ST3GAL4: variants seen among roughly 807,000 people sequenced by gnomAD.
The protein encoded by ST3GAL4 is ST3 beta-galactoside alpha-2,3-sialyltransferase 4.
In ST3GAL4, 24 loss-of-function variants were observed where a neutral mutation model predicts 42.6. That is an observed-to-expected ratio of 0.56 (90% confidence interval 0.41 to 0.79). The LOEUF (loss-of-function observed/expected upper bound fraction) is 0.79. ST3GAL4 is among the 30% of genes least tolerant of loss of function. The pLI is 0.00. For missense variants in ST3GAL4, 311 were observed against 430.8 expected, an observed-to-expected ratio of 0.72 and a Z score of 2.46; for synonymous variants, 135 against 163.2, an observed-to-expected ratio of 0.83 and a Z score of 1.32.
chr11:126,376,173 G>A lies in ST3GAL4; in HGVS notation c.-61+20331G>A, dbSNP rs1271749795. Among the ~76,000 whole-genome samples, 2 of 152,110 alleles carry A rather than the reference G, an allele frequency of 1.3e-5. No homozygotes were observed. Among genetic ancestry groups the A allele is most frequent in the Non-Finnish European group, 2.9e-5 (2 of 68,030 alleles). ...AGCATATTCTATAGTAAGTTACTCCGATTGGCTTTTGGTATTAAAATGTCT... is the reference window on the plus strand; with the variant it reads ...AGCATATTCTATAGTAAGTTACTCCAATTGGCTTTTGGTATTAAAATGTCT... On this transcript the variant is annotated intron_variant, in intron 1 of 10. Transcript: ENST00000444328. This position sits in a 1 kb window ranked among gnomAD's most constrained non-coding sequence, Gnocchi z 5.1.
Position 126,413,485 on chromosome 11 carries a change from C to T in ST3GAL4, c.772-20C>T. ...GAGGAGCAGGGCTCCCACTAACACCCTCCTGCCCCTGTTCCTCAGAAGCCC... is the reference window on the plus strand; with the variant it reads ...GAGGAGCAGGGCTCCCACTAACACCTTCCTGCCCCTGTTCCTCAGAAGCCC... On this transcript the variant is annotated intron_variant, in intron 9 of 10. Coordinates refer to ENST00000444328, the MANE Select transcript of ST3GAL4 (RefSeq NM_001254757.2). 1.2e-6 allele frequency: 2 copies of T among 1,613,054 alleles called. No homozygotes were observed. The highest frequency in any genetic ancestry group is 1.7e-6 in the Non-Finnish European group (2 of 1,179,732).
Position 126,398,499 on chromosome 11 carries a change from T to A in ST3GAL4, c.-60-7597T>A, listed in dbSNP as rs1953871945. On this transcript the variant is annotated intron_variant, in intron 1 of 10. Transcript: ENST00000444328. The surrounding 1 kb of genome is among the most constrained non-coding windows in gnomAD (Gnocchi z 4.7). ...CCGGTTGGAGTCTCATGCTTGCAGC[T>A]CCCCCAGGTTGCTGTTGCACACTGG... 6.6e-6 allele frequency among the ~76,000 whole-genome samples: 1 copy of A among 152,156 alleles called. No individual in the cohort carries two copies. Among genetic ancestry groups the A allele is most frequent in the Non-Finnish European group, 1.5e-5 (1 of 68,020 alleles).
At chr11:126,394,833 T>C (rs10893504) in intron 1 of ST3GAL4, among the ~76,000 whole-genome samples, 5 of 120,184 alleles carry the variant, frequency 4.2e-5, no homozygotes, top group Non-Finnish European at 7.1e-5. Context: ...GGGCGGATGG[T>C]GGGGGGTGGG....
intron 6 of ST3GAL4, among the ~76,000 whole-genome samples, chr11:126,407,884 C>T (rs1954328073): frequency 6.6e-6 from 1 of 152,138 alleles, no homozygotes; most frequent in Non-Finnish European, 1.5e-5. Context: ...CTCCTCTGCC[C>T]TCTTCTGTGC....
At position 126,384,380 on chromosome 11, in the gene ST3GAL4, CTG is replaced by C. The variant is rs1285089034; in HGVS notation, c.-60-21712_-60-21711del. Among the ~76,000 whole-genome samples, 3 of 152,148 alleles carry C rather than the reference CTG, an allele frequency of 2.0e-5. No homozygotes were observed. Among genetic ancestry groups the C allele is most frequent in the Admixed American group, 1.3e-4 (2 of 15,278 alleles). ...GGGGCAGGGCTGGAATTTGTGGCAC[CTG>C]TGTAGGGACTCCAGGGCTGAACGTT... is the stretch of plus-strand genomic sequence containing the variant. On this transcript the variant is annotated intron_variant, in intron 1 of 10. Coordinates refer to ENST00000444328, the MANE Select transcript of ST3GAL4 (RefSeq NM_001254757.2). This position sits in a 1 kb window ranked among gnomAD's most constrained non-coding sequence, Gnocchi z 5.5.
intron 1 of ST3GAL4, chr11:126,405,820 G>A (rs2186716): frequency 0.091 from 43,613 of 480,624 alleles, 2,476 homozygotes; most frequent in East Asian, 0.18. Context: ...CAGAGAGGCT[G>A]GAGTAGGCCA....
intron 1 of ST3GAL4, among the ~76,000 whole-genome samples, chr11:126,388,802 G>A (rs1319777596): frequency 5.1e-4 from 5 of 9,864 alleles, no homozygotes; most frequent in Non-Finnish European, 9.1e-4. Flanking sequence ...ACGGATTTTT[G>A]TTCTTGTTGC....
rs1329782531 is a variant in ST3GAL4, at chr11:126,384,706, C to T, written c.-60-21390C>T. ...GGGGCCTCCTCCCCCTCCCCTTCTG[C>T]ATGCCACCACACCCCAGCAGCATCT... On this transcript the variant is annotated intron_variant, in intron 1 of 10. Coordinates refer to ENST00000444328, the MANE Select transcript of ST3GAL4 (RefSeq NM_001254757.2). The surrounding 1 kb of genome is among the most constrained non-coding windows in gnomAD (Gnocchi z 5.5). 1.0e-5 allele frequency: 10 copies of T among 985,268 alleles called. No homozygotes were observed. The highest frequency in any genetic ancestry group is 1.2e-5 in the Non-Finnish European group (10 of 829,920). The allele number at this position is 985,268 out of a possible 1,614,324, so 61.0% of individuals were successfully genotyped here. A position where few individuals can be genotyped will look rare whatever the true frequency, so the allele number is the denominator to read the frequency against.
rs1565405233 is a variant in ST3GAL4 at position 126,383,152 on chromosome 11, G to A, written c.-60-22944G>A. The stretch of plus-strand genomic sequence containing the variant: ...CCTGGGACACTCTCCAGGCCTGCTG[G>A]GGACACACCTGTGGGGCTCATAGGC... On this transcript the variant is annotated intron_variant, in intron 1 of 10. Coordinates refer to ENST00000444328, the MANE Select transcript of ST3GAL4 (RefSeq NM_001254757.2). This position sits in a 1 kb window ranked among gnomAD's most constrained non-coding sequence, Gnocchi z 4.5. Among the ~76,000 whole-genome samples the A allele has an allele frequency of 6.6e-6, 1 of 152,210 alleles. No individual in the cohort carries two copies. Among genetic ancestry groups the A allele is most frequent in the Non-Finnish European group, 1.5e-5 (1 of 68,030 alleles).
At chr11:126,370,272 C>T (rs1232897090) in intron 1 of ST3GAL4, among the ~76,000 whole-genome samples, 5 of 152,150 alleles carry the variant, frequency 3.3e-5, no homozygotes, top group South Asian at 4.1e-4. Flanking sequence ...GTCCTGCTTC[C>T]CACACTCCCC....
intron 1 of ST3GAL4, among the ~76,000 whole-genome samples, chr11:126,389,739 GTTGT>G (rs1365109419): frequency 1.3e-5 from 2 of 151,950 alleles, no homozygotes; most frequent in Non-Finnish European, 2.9e-5. Flanking sequence ...GCCCAGCTAA[GTTGT>G]TTATTTTATT....
chr11:126,403,490 C>T (rs547458299), intron 1 of ST3GAL4: 9 of 973,842 alleles, frequency 9.2e-6, no homozygotes, highest in East Asian at 1.1e-4. Flanking sequence ...AGAGGAGGTA[C>T]GGCGCTGATT....
At position 126,398,177 on chromosome 11, in the gene ST3GAL4, C is replaced by G. The variant is rs1320854224; in HGVS notation, c.-60-7919C>G. On this transcript the variant is annotated intron_variant, in intron 1 of 10. Coordinates refer to ENST00000444328, the MANE Select transcript of ST3GAL4 (RefSeq NM_001254757.2). This position sits in a 1 kb window ranked among gnomAD's most constrained non-coding sequence, Gnocchi z 4.7. ...GGTTCATCCTGAATCAAATTCCCCT[C>G]CAGTCATGGGCTGTGAAATCAAGCA... Among the ~76,000 whole-genome samples the G allele has an allele frequency of 6.6e-6, 1 of 152,228 alleles. No homozygotes were observed. Among genetic ancestry groups the G allele is most frequent in the Non-Finnish European group, 1.5e-5 (1 of 68,038 alleles).
Position 126,388,361 on chromosome 11 carries a change from C to T in ST3GAL4, c.-60-17735C>T, listed in dbSNP as rs983102324. On this transcript the variant is annotated intron_variant, in intron 1 of 10. Transcript: ENST00000444328. ...TCTTTTCTTTTTTAAGACAGAGTCT[C>T]GCTCTCTCTCCCAGGCTGGAGTGAA... 4.9e-4 allele frequency among the ~76,000 whole-genome samples: 75 copies of T among 152,056 alleles called. 1 individual carries two copies. The highest frequency in any genetic ancestry group is 1.7e-3 in the African/African-American group (70 of 41,398).
intron 1 of ST3GAL4, among the ~76,000 whole-genome samples, chr11:126,404,042 C>A (rs549897149): frequency 6.6e-6 from 1 of 152,174 alleles, no homozygotes; most frequent in African/African-American, 2.4e-5. Flanking sequence ...GACCCAAATA[C>A]TCATTTAAAA....
chr11:126,357,252 C>T (rs1363043016), intron 1 of ST3GAL4, among the ~76,000 whole-genome samples: 5 of 152,242 alleles, frequency 3.3e-5, no homozygotes, highest in African/African-American at 1.2e-4. Flanking sequence ...GGTGGGTGAT[C>T]CTAAGCTGCC....
intron 1 of ST3GAL4, among the ~76,000 whole-genome samples, chr11:126,381,264 C>T (rs1271326611): frequency 1.3e-5 from 2 of 152,200 alleles, no homozygotes; most frequent in East Asian, 1.9e-4. Flanking sequence ...GTGTTCATCC[C>T]CCCACCTCCC....
rs1721522674 is a variant in ST3GAL4, at chr11:126,378,187, T to G, written c.-61+22345T>G. 6.6e-6 allele frequency among the ~76,000 whole-genome samples: 1 copy of G among 152,180 alleles called. No individual in the cohort carries two copies. ...CTAGGTAGAACACCTTTACATACTT[T>G]GTTGCTGCATAAAATGAATAATTCG... On this transcript the variant is annotated intron_variant, in intron 1 of 10. Transcript: ENST00000444328. The surrounding 1 kb of genome is among the most constrained non-coding windows in gnomAD (Gnocchi z 5.3).
chr11:126,367,086 C>T (rs2135393096), intron 1 of ST3GAL4, among the ~76,000 whole-genome samples: 1 of 152,248 alleles, frequency 6.6e-6, no homozygotes, highest in East Asian at 1.9e-4. Flanking sequence ...TGGAGCACCG[C>T]TCATGACAGG....
Sources: allele counts gnomAD v4.1 joint callset (sites outside exome capture counted in the v4.1 genomes callset), GRCh38; gene constraint gnomAD v4.1.1; non-coding constraint Gnocchi (gnomAD v3.1); transcripts MANE v1.5; gene names NCBI Gene and HGNC (gene_info 2026-07-23, HGNC 2026-07-21).